The following TTC29 variants were observed in gnomAD, a reference collection of about 807,000 sequenced individuals.
TTC29 encodes the protein tetratricopeptide repeat protein 29.
A neutral mutation model predicts 58.1 loss-of-function variants in TTC29; 49 were observed. That is an observed-to-expected ratio of 0.84 (90% CI 0.67 to 1.07). TTC29 has a LOEUF of 1.07. Ranked by LOEUF, TTC29 falls within the 50% of genes least tolerant of loss-of-function variation. The probability of loss-of-function intolerance (pLI) is 0.00; values close to 1 mark genes in which losing one functional copy is unlikely to be tolerated. For synonymous variants in TTC29, 209 were observed against 196.8 expected, an observed-to-expected ratio of 1.06 and a Z score of -0.52; for missense variants, 582 against 555.6, an observed-to-expected ratio of 1.05 and a Z score of -0.48.
At chr4:146,896,178 G>A (rs561318122) in intron 6 of TTC29, among the ~76,000 whole-genome samples, 6 of 151,824 alleles carry the variant, frequency 4.0e-5, no homozygotes, top group South Asian at 2.1e-4. Flanking sequence ...TCTTTTGTTG[G>A]GCTCCAGAAT....
intron 6 of TTC29, among the ~76,000 whole-genome samples, chr4:146,890,082 G>A (rs1365749758): frequency 1.3e-5 from 2 of 151,940 alleles, no homozygotes; most frequent in African/African-American, 2.4e-5. Context: ...ACACCACATT[G>A]AATATTATAT....
chr4:146,823,454 C>G (rs1041870280), intron 9 of TTC29, among the ~76,000 whole-genome samples: 2 of 152,010 alleles, frequency 1.3e-5, no homozygotes, highest in African/African-American at 4.8e-5. Flanking sequence ...TTCTGATCCA[C>G]TGGTCTATAT....
At chr4:146,763,278 T>A (rs990300287) in intron 11 of TTC29, among the ~76,000 whole-genome samples, 1 of 152,130 alleles carries the variant, frequency 6.6e-6, no homozygotes, top group African/African-American at 2.4e-5. Context: ...ATTAACTTTA[T>A]GTTCAACAGT....
chr4:146,899,063 C>T (rs933011859), intron 6 of TTC29, among the ~76,000 whole-genome samples: 12 of 152,198 alleles, frequency 7.9e-5, no homozygotes, highest in Non-Finnish European at 1.5e-5. Context: ...AACCCTACTG[C>T]TAGTTTGCAT....
chr4:146,853,991 C>T (rs1042286745), intron 8 of TTC29, among the ~76,000 whole-genome samples: 1 of 152,018 alleles, frequency 6.6e-6, no homozygotes, highest in African/African-American at 2.4e-5. Context: ...CAACTCTTAA[C>T]CAATGAATGG....
chr4:146,708,333 T>C lies in TTC29; in HGVS notation c.1331-782A>G, dbSNP rs868822643. On this transcript the variant is annotated intron_variant, in intron 11 of 12. Coordinates refer to ENST00000325106, the MANE Select transcript of TTC29 (RefSeq NM_031956.4). The stretch of plus-strand genomic sequence containing the variant: ...TTATATATATATATATATATATATA[T>C]ATATATATATATATATATATATACA... Among the ~76,000 whole-genome samples the C allele has an allele frequency of 1.7e-3, 125 of 73,104 alleles. 6 individuals are homozygous for C. Among genetic ancestry groups the C allele is most frequent in the African/African-American group, 5.0e-3 (118 of 23,684 alleles). The allele number at this position is 73,104 out of a possible 152,430, so 48.0% of individuals were successfully genotyped here.
intron 4 of TTC29, among the ~76,000 whole-genome samples, chr4:146,926,223 G>A (rs1238729285): frequency 6.6e-6 from 1 of 152,084 alleles, no homozygotes; most frequent in African/African-American, 2.4e-5. Flanking sequence ...TTCTTTTGGA[G>A]CTTAGTATCA....
At chr4:146,766,436 C>T (rs1190123842) in intron 11 of TTC29, among the ~76,000 whole-genome samples, 1 of 152,046 alleles carries the variant, frequency 6.6e-6, no homozygotes, top group Non-Finnish European at 1.5e-5. Context: ...TTCTTTCTGA[C>T]ATTCTTAAAG....
At chr4:146,719,271 T>C (rs567081002) in intron 11 of TTC29, among the ~76,000 whole-genome samples, 1 of 151,986 alleles carries the variant, frequency 6.6e-6, no homozygotes, top group Non-Finnish European at 1.5e-5. Context: ...TTTCTATTTA[T>C]GAAAAATGAC....
intron 9 of TTC29, chr4:146,831,804 T>G (rs1252360049): frequency 2.4e-6 from 1 of 415,750 alleles, no homozygotes. Flanking sequence ...TCTGGAAGTT[T>G]CAAAAATAAT....
intron 11 of TTC29, among the ~76,000 whole-genome samples, chr4:146,714,404 T>C (rs1742767291): frequency 1.3e-5 from 2 of 152,010 alleles, no homozygotes; most frequent in African/African-American, 4.8e-5. Flanking sequence ...GAACATATTA[T>C]CAGTAAACCA....
chr4:146,788,280 G>A (rs1284981027), intron 11 of TTC29, among the ~76,000 whole-genome samples: 2 of 152,218 alleles, frequency 1.3e-5, no homozygotes, highest in Non-Finnish European at 2.9e-5. Context: ...TCATATGTCA[G>A]AATATTTTGC....
intron 11 of TTC29, among the ~76,000 whole-genome samples, chr4:146,802,455 G>A (rs572652705): frequency 1.3e-5 from 2 of 152,194 alleles, no homozygotes; most frequent in Non-Finnish European, 2.9e-5. Context: ...TACTATGGAT[G>A]TATTTGGAAG....
At chr4:146,795,335 C>T (rs1749758933) in intron 11 of TTC29, among the ~76,000 whole-genome samples, 1 of 152,140 alleles carries the variant, frequency 6.6e-6, no homozygotes, top group South Asian at 2.1e-4. Context: ...TATGCTACTA[C>T]TTCTTGTCAT....
At chr4:146,860,780 C>T (rs983260740) in intron 8 of TTC29, among the ~76,000 whole-genome samples, 4 of 152,126 alleles carry the variant, frequency 2.6e-5, no homozygotes, top group Non-Finnish European at 5.9e-5. Context: ...TGAGGGAAGA[C>T]TATTTTGTAT....
intron 11 of TTC29, among the ~76,000 whole-genome samples, chr4:146,746,912 G>C (rs1399169028): frequency 6.6e-6 from 1 of 152,140 alleles, no homozygotes; most frequent in Non-Finnish European, 1.5e-5. Context: ...ATAATTAAAA[G>C]AGAGTGCTGG....
chr4:146,744,109 A>G (rs1745361023), intron 11 of TTC29, among the ~76,000 whole-genome samples: 1 of 152,244 alleles, frequency 6.6e-6, no homozygotes, highest in African/African-American at 2.4e-5. Context: ...AAATACTCCT[A>G]TATCTGTACA....
chr4:146,926,291 A>G (rs565557062), intron 4 of TTC29, among the ~76,000 whole-genome samples: 1 of 152,302 alleles, frequency 6.6e-6, no homozygotes, highest in African/African-American at 2.4e-5. Context: ...GGTAATGAGA[A>G]TTCTGTAGTC....
intron 11 of TTC29, among the ~76,000 whole-genome samples, chr4:146,728,786 T>TGTATATATACGTATATATACAC (rs397959670): frequency 7.6e-6 from 1 of 132,102 alleles, no homozygotes; most frequent in Non-Finnish European, 1.6e-5. Flanking sequence ...TATATATGTG[T>TGTATATATACGTATATATACAC]ATATATACGT....
Sources: gnomAD v4.1 joint callset for allele counts (sites outside exome capture counted in the v4.1 genomes callset) on GRCh38, gnomAD v4.1.1 for gene constraint, MANE v1.5 for transcripts, NCBI Gene and HGNC (gene_info 2026-07-23, HGNC 2026-07-21) for gene names.